The following CNTN5 variants were observed in gnomAD, a reference collection of about 807,000 sequenced individuals.
CNTN5 encodes contactin 5.
CNTN5 carries 77 observed loss-of-function variants against 129.1 expected under a neutral mutation model. The observed-to-expected ratio is 0.60, with a 90% CI of 0.50 to 0.72. The LOEUF is 0.72. Ranked by LOEUF, CNTN5 falls within the 30% of genes least tolerant of loss-of-function variation. The probability of loss-of-function intolerance (pLI) is 0.00; values close to 1 mark genes in which losing one functional copy is unlikely to be tolerated. For missense variants in CNTN5, 1,478 were observed against 1,328.8 expected, an observed-to-expected ratio of 1.11 and a Z score of -1.75; for synonymous variants, 509 against 465.6, an observed-to-expected ratio of 1.09 and a Z score of -1.20.
intron 24 of CNTN5, among the ~76,000 whole-genome samples, chr11:100,353,358 GT>G (rs1172295144): frequency 6.6e-6 from 1 of 151,574 alleles, no homozygotes; most frequent in African/African-American, 2.4e-5. Context: ...GAAACAGCTA[GT>G]TAGTTTTATA....
chr11:100,242,446 A>G (rs1949761419), intron 16 of CNTN5, among the ~76,000 whole-genome samples: 1 of 152,144 alleles, frequency 6.6e-6, no homozygotes, highest in Non-Finnish European at 1.5e-5. Context: ...CCTTAACCTG[A>G]GAAAAGTGGT....
intron 18 of CNTN5, among the ~76,000 whole-genome samples, chr11:100,285,010 G>T (rs754921559): frequency 6.6e-6 from 1 of 152,026 alleles, no homozygotes; most frequent in Admixed American, 6.6e-5. Flanking sequence ...TCATAAAATG[G>T]GGATACCACA....
intron 3 of CNTN5, among the ~76,000 whole-genome samples, chr11:99,747,750 G>A (rs926683457): frequency 1.3e-5 from 2 of 152,122 alleles, no homozygotes; most frequent in South Asian, 2.1e-4. Flanking sequence ...GGGATTACAG[G>A]CATGAGCCAC....
intron 13 of CNTN5, among the ~76,000 whole-genome samples, chr11:100,171,389 G>A (rs529763091): frequency 6.6e-5 from 10 of 152,022 alleles, no homozygotes; most frequent in South Asian, 4.1e-4. Flanking sequence ...AAAAGAACAC[G>A]CAAAAATCTC....
At chr11:100,309,088 G>A (rs1485620471) in intron 21 of CNTN5, 5 of 984,950 alleles carry the variant, frequency 5.1e-6, no homozygotes, top group East Asian at 1.1e-4. Context: ...AACAAGGTTT[G>A]GCTTCTCACA....
chr11:99,791,862 T>A (rs1476432269), intron 3 of CNTN5, among the ~76,000 whole-genome samples: 1 of 152,152 alleles, frequency 6.6e-6, no homozygotes, highest in Non-Finnish European at 1.5e-5. Flanking sequence ...ATTCCTTTTG[T>A]GGTCATAGTA....
intron 3 of CNTN5, among the ~76,000 whole-genome samples, chr11:99,702,072 G>A (rs1339190449): frequency 6.6e-6 from 1 of 150,852 alleles, no homozygotes; most frequent in Non-Finnish European, 1.5e-5. Context: ...AAGTTATATA[G>A]TTATTAATAG....
At chr11:99,461,446 A>G (rs1341665442) in intron 2 of CNTN5, among the ~76,000 whole-genome samples, 1 of 152,152 alleles carries the variant, frequency 6.6e-6, no homozygotes, top group African/African-American at 2.4e-5. Flanking sequence ...GCCTATGAAG[A>G]CCAACAAGGA....
At chr11:100,116,561 G>T (rs1213231691) in intron 13 of CNTN5, among the ~76,000 whole-genome samples, 4 of 151,506 alleles carry the variant, frequency 2.6e-5, no homozygotes, top group African/African-American at 9.7e-5. Flanking sequence ...AGAAAAAAGA[G>T]TATAAACCCA....
rs1324432719 is a variant in CNTN5 at position 99,371,611 on chromosome 11, A to G, written c.-71+46127A>G. Among the ~76,000 whole-genome samples the G allele has an allele frequency of 2.0e-5, 3 of 152,100 alleles. No homozygotes were observed. In the East Asian group the frequency reaches 5.8e-4, roughly 29 times the overall value. ...TTGATGGAGTTACAGATTAACTTTGATATCCAATATTAAGGAGAAAAAAAA... is the reference window on the plus strand; with the variant it reads ...TTGATGGAGTTACAGATTAACTTTGGTATCCAATATTAAGGAGAAAAAAAA... On this transcript the variant is annotated intron_variant, in intron 2 of 24. Coordinates refer to ENST00000524871, the MANE Select transcript of CNTN5 (RefSeq NM_014361.4).
chr11:99,462,070 A>G (rs1944720751), intron 2 of CNTN5, among the ~76,000 whole-genome samples: 1 of 152,152 alleles, frequency 6.6e-6, no homozygotes, highest in Admixed American at 6.5e-5. Flanking sequence ...AGTTTCATTT[A>G]AATAACTCAG....
intron 9 of CNTN5, among the ~76,000 whole-genome samples, chr11:100,014,029 G>T (rs966189444): frequency 6.6e-5 from 10 of 152,140 alleles, no homozygotes; most frequent in African/African-American, 4.8e-5. Flanking sequence ...ACTAGAGAAA[G>T]ATCAATTTAG....
intron 3 of CNTN5, among the ~76,000 whole-genome samples, chr11:99,771,643 C>T (rs1018282775): frequency 5.9e-5 from 9 of 151,682 alleles, no homozygotes; most frequent in Admixed American, 2.0e-4. Context: ...CATTAGCTGG[C>T]GGTGGGGGAA....
intron 2 of CNTN5, among the ~76,000 whole-genome samples, chr11:99,372,162 A>G (rs1939865983): frequency 6.6e-6 from 1 of 152,236 alleles, no homozygotes; most frequent in Non-Finnish European, 1.5e-5. Flanking sequence ...TCACAAACTT[A>G]TGATACATCC....
chr11:99,537,668 A>G (rs1055902140), intron 2 of CNTN5, among the ~76,000 whole-genome samples: 3 of 152,172 alleles, frequency 2.0e-5, no homozygotes, highest in African/African-American at 7.2e-5. Flanking sequence ...GTTATGGCCT[A>G]CAGAGCTCAT....
intron 6 of CNTN5, among the ~76,000 whole-genome samples, chr11:99,891,251 C>T (rs1249059077): frequency 1.3e-5 from 2 of 152,016 alleles, no homozygotes; most frequent in African/African-American, 4.8e-5. Flanking sequence ...TCTTTACTAG[C>T]TTCTCAATTT....
chr11:99,643,045 G>A (rs923163849), intron 3 of CNTN5, among the ~76,000 whole-genome samples: 4 of 152,114 alleles, frequency 2.6e-5, no homozygotes, highest in African/African-American at 9.7e-5. Context: ...ATTGTGAATA[G>A]TACAGCAATA....
At chr11:99,863,335 A>C (rs936714178) in intron 6 of CNTN5, among the ~76,000 whole-genome samples, 2 of 152,148 alleles carry the variant, frequency 1.3e-5, no homozygotes, top group African/African-American at 2.4e-5. Context: ...GACACAATGG[A>C]GTAGAGATTT....
In CNTN5 at chr11:99,673,594, C is replaced by T. The variant is rs191959423; in HGVS notation, c.55+117325C>T. On this transcript the variant is annotated intron_variant, in intron 3 of 24. Coordinates refer to ENST00000524871, the MANE Select transcript of CNTN5 (RefSeq NM_014361.4). The stretch of plus-strand genomic sequence containing the variant: ...TATTTTTGCTCATCCTCTCCCTCCT[C>T]CCACCATCCACTCTCCTCTAAGCCC... Among the ~76,000 whole-genome samples, 290 of 152,254 alleles carry T rather than the reference C, an allele frequency of 1.9e-3. 1 individual carries two copies. Among genetic ancestry groups the T allele is most frequent in the African/African-American group, 6.3e-3 (260 of 41,558 alleles).
Sources: allele counts gnomAD v4.1 joint callset (sites outside exome capture counted in the v4.1 genomes callset), GRCh38; gene constraint gnomAD v4.1.1; transcripts MANE v1.5; gene names NCBI Gene and HGNC (gene_info 2026-07-23, HGNC 2026-07-21).